The following EYA4 variants were observed in gnomAD, a reference collection of about 807,000 sequenced individuals.
EYA4 encodes EYA transcriptional coactivator and phosphatase 4, also known as protein phosphatase EYA4.
In EYA4, 31 loss-of-function variants were observed where a neutral mutation model predicts 87.9. The ratio of observed to expected loss-of-function variants is 0.35; its 90% CI spans 0.27 to 0.48. The LOEUF (loss-of-function observed/expected upper bound fraction) is 0.48, where lower values mean the gene tolerates loss of function less well. Ranked by LOEUF, EYA4 falls within the 20% of genes least tolerant of loss-of-function variation. The probability of loss-of-function intolerance (pLI) is 0.99; values close to 1 mark genes in which losing one functional copy is unlikely to be tolerated. For synonymous variants in EYA4, 263 were observed against 270.6 expected, an observed-to-expected ratio of 0.97 and a Z score of 0.28; for missense variants, 678 against 761.4, an observed-to-expected ratio of 0.89 and a Z score of 1.29.
chr6:133,259,492 A>G (rs1202835106), intron 1 of EYA4, among the ~76,000 whole-genome samples: 1 of 152,232 alleles, frequency 6.6e-6, no homozygotes, highest in Non-Finnish European at 1.5e-5. Flanking sequence ...ATTCAGTTAC[A>G]GAGTCAGTGG....
At chr6:133,349,555 G>A (rs1783475352) in intron 2 of EYA4, among the ~76,000 whole-genome samples, 1 of 152,172 alleles carries the variant, frequency 6.6e-6, no homozygotes, top group Non-Finnish European at 1.5e-5. Context: ...TGGCAAGTTA[G>A]TTTTGGTCTC....
chr6:133,314,990 A>G (rs1780512938), intron 2 of EYA4, among the ~76,000 whole-genome samples: 1 of 152,052 alleles, frequency 6.6e-6, no homozygotes, highest in Non-Finnish European at 1.5e-5. Flanking sequence ...TTTCAATACA[A>G]CTTTAAGAGA....
chr6:133,415,587 C>T (rs1340984816), intron 3 of EYA4, among the ~76,000 whole-genome samples: 1 of 152,044 alleles, frequency 6.6e-6, no homozygotes. Flanking sequence ...TTAAATTGTA[C>T]CCTGCCTCCT....
At chr6:133,420,218 A>G (rs1034778788) in intron 3 of EYA4, among the ~76,000 whole-genome samples, 5 of 152,168 alleles carry the variant, frequency 3.3e-5, no homozygotes, top group African/African-American at 1.2e-4. Context: ...CATATTCACT[A>G]TTAAGAGAAT....
At chr6:133,333,419 C>T (rs1242109779) in intron 2 of EYA4, among the ~76,000 whole-genome samples, 3 of 152,136 alleles carry the variant, frequency 2.0e-5, no homozygotes, top group African/African-American at 7.2e-5. Flanking sequence ...AGGACTGACA[C>T]ATGAGAAAGG....
At chr6:133,451,067 G>A (rs920161154) in intron 5 of EYA4, among the ~76,000 whole-genome samples, 3 of 152,188 alleles carry the variant, frequency 2.0e-5, no homozygotes, top group Non-Finnish European at 4.4e-5. Flanking sequence ...AAATAAAGCA[G>A]AGGTCAGGCC....
In EYA4 at chr6:133,358,787, AG is replaced by A. The variant is rs1784255047; in HGVS notation, c.34-23603del. On this transcript the variant is annotated intron_variant, in intron 2 of 19. Transcript: ENST00000355286. ...ACTAGTAGGAAGACACGCACTCAAGAGGTAAAACAAACACACATAAATGATA... is the reference window on the plus strand; with the variant it reads ...ACTAGTAGGAAGACACGCACTCAAGAGTAAAACAAACACACATAAATGATA... Among the ~76,000 whole-genome samples the A allele has an allele frequency of 3.9e-5, 6 of 152,238 alleles. No individual in the cohort carries two copies. The South Asian group carries it at 1.2e-3, about 31-fold the overall frequency.
intron 2 of EYA4, among the ~76,000 whole-genome samples, chr6:133,296,782 T>G (rs1458636017): frequency 6.6e-6 from 1 of 152,186 alleles, no homozygotes; most frequent in Admixed American, 6.5e-5. Context: ...TTTTTTTATT[T>G]ATCATCTATC....
chr6:133,499,207 A>G (rs1452829914), intron 13 of EYA4, among the ~76,000 whole-genome samples: 2 of 152,128 alleles, frequency 1.3e-5, no homozygotes, highest in Non-Finnish European at 2.9e-5. Context: ...TTCTTTAACC[A>G]TCATCAACCC....
At chr6:133,328,181 T>G (rs550290562) in intron 2 of EYA4, among the ~76,000 whole-genome samples, 8 of 152,334 alleles carry the variant, frequency 5.3e-5, no homozygotes, top group African/African-American at 1.9e-4. Context: ...TTTAAAATAG[T>G]TCAGTGAAGA....
At chr6:133,310,207 G>A (rs1424262025) in intron 2 of EYA4, among the ~76,000 whole-genome samples, 4 of 152,160 alleles carry the variant, frequency 2.6e-5, no homozygotes, top group African/African-American at 9.6e-5. Context: ...AGGAAAGGAA[G>A]CCTTTTTCTT....
intron 2 of EYA4, among the ~76,000 whole-genome samples, chr6:133,356,057 AAGAG>A (rs35204258): frequency 0.017 from 2,293 of 135,646 alleles, 25 homozygotes; most frequent in Middle Eastern, 0.034. Flanking sequence ...GAAAGAGAGA[AAGAG>A]AGAGAGAGAG....
In EYA4 at chr6:133,401,630, A is replaced by G. The variant is rs73559696; in HGVS notation, c.83+19189A>G. On this transcript the variant is annotated intron_variant, in intron 3 of 19. Transcript: ENST00000355286. ...CCTTTCTTACTAACATCTAAGTTTC[A>G]TATAGTCTTTTAGCTTCATCGTTTA... is the stretch of plus-strand genomic sequence containing the variant. 9.5e-3 allele frequency among the ~76,000 whole-genome samples: 1,448 copies of G among 152,272 alleles called. 21 individuals carry two copies. Among genetic ancestry groups the G allele is most frequent in the African/African-American group, 0.033 (1,380 of 41,560 alleles).
intron 3 of EYA4, among the ~76,000 whole-genome samples, chr6:133,442,222 T>C (rs957304735): frequency 3.3e-5 from 5 of 152,162 alleles, no homozygotes; most frequent in African/African-American, 1.2e-4. Context: ...ATATTTATAA[T>C]GTTCTGAACA....
chr6:133,398,719 A>T (rs1788010625), intron 3 of EYA4, among the ~76,000 whole-genome samples: 1 of 152,182 alleles, frequency 6.6e-6, no homozygotes, highest in African/African-American at 2.4e-5. Context: ...AAGAATGTGG[A>T]CCTTTTCTTT....
In EYA4 at chr6:133,531,276, TGCA is replaced by T. The variant is rs1800995938; in HGVS notation, c.*2473_*2475del. 1 of 1,398,806 alleles carries T rather than the reference TGCA, an allele frequency of 7.1e-7. No individual in the cohort carries two copies. The highest frequency in any genetic ancestry group is 2.0e-5 in the Admixed American group (1 of 50,726). 86.6% of individuals were successfully genotyped at this position (1,398,806 alleles called of 1,614,324 possible). A position where few individuals can be genotyped will look rare whatever the true frequency, so the allele number is the denominator to read the frequency against. On this transcript the variant is annotated 3_prime_UTR_variant, in exon 20 of 20. Coordinates refer to ENST00000355286, the MANE Select transcript of EYA4 (RefSeq NM_004100.5). ...AACAGCTTGTCTGGCACAACAATGG[TGCA>T]GGCCCACGAGCCAGCATCACAGCTT...
chr6:133,424,631 C>T (rs1583239977), intron 3 of EYA4, among the ~76,000 whole-genome samples: 6 of 142,824 alleles, frequency 4.2e-5, no homozygotes, highest in African/African-American at 1.5e-4. Flanking sequence ...AGCTCCCACC[C>T]TGCCAACTTG....
At chr6:133,299,931 C>CTATATATATATA (rs1483133674) in intron 2 of EYA4, among the ~76,000 whole-genome samples, 23 of 80,490 alleles carry the variant, frequency 2.9e-4, no homozygotes, top group African/African-American at 1.0e-3. Flanking sequence ...AGATCTCTAT[C>CTATATATATATA]TATCTATCTA....
At chr6:133,518,121 A>C (rs1412321618) in intron 17 of EYA4, among the ~76,000 whole-genome samples, 2 of 152,180 alleles carry the variant, frequency 1.3e-5, no homozygotes, top group African/African-American at 4.8e-5. Flanking sequence ...CATGATGTGT[A>C]AAATGTAGTG....
Sources: gnomAD v4.1 joint callset for allele counts (sites outside exome capture counted in the v4.1 genomes callset) on GRCh38, gnomAD v4.1.1 for gene constraint, MANE v1.5 for transcripts, NCBI Gene and HGNC (gene_info 2026-07-23, HGNC 2026-07-21) for gene names.